IL20RA: variants seen among roughly 807,000 people sequenced by gnomAD.
IL20RA encodes the protein interleukin-20 receptor subunit alpha.
A neutral mutation model predicts 36.5 loss-of-function variants in IL20RA; 29 were observed. That is an observed-to-expected ratio of 0.79 (90% CI 0.59 to 1.08). The LOEUF (loss-of-function observed/expected upper bound fraction) is 1.08. IL20RA is among the 50% of genes least tolerant of loss of function. The probability of loss-of-function intolerance (pLI) is 0.00; values close to 1 mark genes in which losing one functional copy is unlikely to be tolerated. For missense variants in IL20RA, 652 were observed against 668.4 expected (o/e 0.98, Z 0.27); for synonymous variants, 279 against 267.1 (o/e 1.04, Z -0.43).
chr6:137,034,155 T>A (rs1776395098), intron 1 of IL20RA, among the ~76,000 whole-genome samples: 1 of 152,168 alleles, frequency 6.6e-6, no homozygotes, highest in African/African-American at 2.4e-5. Flanking sequence ...TGTCCTACAG[T>A]CACAAAACCC....
chr6:137,038,149 A>C (rs2115426500), intron 1 of IL20RA: 1 of 135,782 alleles, frequency 7.4e-6, no homozygotes, highest in African/African-American at 2.8e-5. Context: ...ATAAAGCAGT[A>C]TTTAATTTTA....
At chr6:137,006,479 G>A (rs1448475276) in intron 5 of IL20RA, among the ~76,000 whole-genome samples, 1 of 152,174 alleles carries the variant, frequency 6.6e-6, no homozygotes, top group Non-Finnish European at 1.5e-5. Context: ...ATGACTGATA[G>A]CATTTAGTAT....
intron 3 of IL20RA, among the ~76,000 whole-genome samples, chr6:137,010,352 A>G (rs748018491): frequency 1.0e-4 from 16 of 152,386 alleles, no homozygotes; most frequent in African/African-American, 2.2e-4. Flanking sequence ...TTGTGCCCCA[A>G]TAAAACTTTA....
intron 1 of IL20RA, among the ~76,000 whole-genome samples, chr6:137,034,784 TAA>T (rs933774436): frequency 6.9e-6 from 1 of 145,304 alleles, no homozygotes; most frequent in Admixed American, 6.9e-5. Context: ...ACTAAAAATA[TAA>T]AAAAAAAAAT....
At chr6:137,034,128 G>A (rs1159996442) in intron 1 of IL20RA, among the ~76,000 whole-genome samples, 2 of 152,290 alleles carry the variant, frequency 1.3e-5, no homozygotes, top group African/African-American at 4.8e-5. Context: ...TGAGGCTGCC[G>A]ATGATCTTGA....
At chr6:137,028,889 C>T (rs923314566) in intron 1 of IL20RA, among the ~76,000 whole-genome samples, 1 of 152,034 alleles carries the variant, frequency 6.6e-6, no homozygotes, top group Non-Finnish European at 1.5e-5. Context: ...TAAATAGTTA[C>T]ATCTTGTTTT....
chr6:137,009,248 G>T, intron 4 of IL20RA, 69 bp downstream of exon 4: 1 of 1,215,182 alleles, frequency 8.2e-7, no homozygotes, highest in Non-Finnish European at 1.2e-6. Flanking sequence ...CAATGCATCA[G>T]GGTTGTTTGT....
intron 1 of IL20RA, among the ~76,000 whole-genome samples, chr6:137,021,396 A>G (rs1775898488): frequency 6.6e-6 from 1 of 151,810 alleles, no homozygotes; most frequent in South Asian, 2.1e-4. Context: ...CAGGCGTGGT[A>G]TCTCACACCT....
intron 2 of IL20RA, 125 bp downstream of exon 2, chr6:137,016,843 G>A (rs764223644): frequency 1.1e-6 from 1 of 890,414 alleles, no homozygotes. Flanking sequence ...AACTTAACCT[G>A]AAATATCTAA....
At chr6:137,023,943 A>C (rs1205698387) in intron 1 of IL20RA, among the ~76,000 whole-genome samples, 1 of 152,064 alleles carries the variant, frequency 6.6e-6, no homozygotes, top group Non-Finnish European at 1.5e-5. Flanking sequence ...AAAATACAAA[A>C]ATTAGCCAGA....
At chr6:137,009,192 C>T (rs1250888865) in intron 4 of IL20RA, 125 bp downstream of exon 4, 8 of 842,984 alleles carry the variant, frequency 9.5e-6, no homozygotes, top group South Asian at 2.8e-5. Context: ...TTTTGTGCGG[C>T]GTATCTTTTG....
chr6:137,030,832 G>A (rs1776251504), intron 1 of IL20RA, among the ~76,000 whole-genome samples: 1 of 151,954 alleles, frequency 6.6e-6, no homozygotes, highest in Non-Finnish European at 1.5e-5. Flanking sequence ...CCAATACTCA[G>A]ACGTAGTAAC....
chr6:137,011,579 T>C lies in IL20RA; in HGVS notation c.225-127A>G, dbSNP rs1010553075. The C allele has an allele frequency of 5.8e-5, 35 of 600,372 alleles. No individual in the cohort carries two copies. The South Asian group carries it at 1.3e-3, about 23-fold the overall frequency. 37.2% of individuals were successfully genotyped at this position (600,372 alleles called of 1,614,324 possible). A position where few individuals can be genotyped will look rare whatever the true frequency, so the allele number is the denominator to read the frequency against. On this transcript the variant is annotated intron_variant, in intron 2 of 6. Transcript: ENST00000316649. ...TTCAGAAAAACAAAAGTGCCTGTCA[T>C]TGAGATAAAAAAGAATCCACTTTTG...
chr6:137,023,447 A>C (rs780468741), intron 1 of IL20RA, among the ~76,000 whole-genome samples: 1 of 152,236 alleles, frequency 6.6e-6, no homozygotes, highest in Non-Finnish European at 1.5e-5. Context: ...TTCATGGGAA[A>C]GTATTGAATC....
chr6:137,012,081 C>T lies in IL20RA; in HGVS notation c.225-629G>A, dbSNP rs142318536. ...AGGTGGCAATATTTTCAGCCCTTTTCAGGTGGGAGAGACTGAAGTGTAGAG... is the reference window on the plus strand; with the variant it reads ...AGGTGGCAATATTTTCAGCCCTTTTTAGGTGGGAGAGACTGAAGTGTAGAG... On this transcript the variant is annotated intron_variant, in intron 2 of 6. Coordinates refer to ENST00000316649, the MANE Select transcript of IL20RA (RefSeq NM_014432.4). Among the ~76,000 whole-genome samples, 5 of 152,236 alleles carry T rather than the reference C, an allele frequency of 3.3e-5. No individual in the cohort carries two copies. The East Asian group carries it at 7.7e-4, about 23-fold the overall frequency.
chr6:137,007,201 G>A (rs771948), intron 5 of IL20RA, among the ~76,000 whole-genome samples: 130,380 of 152,218 alleles, frequency 0.86, 59,366 homozygotes, highest in East Asian at 1. Context: ...AAATACAAAT[G>A]CGATTTCTTC....
chr6:137,032,318 G>A (rs1009911376), intron 1 of IL20RA, among the ~76,000 whole-genome samples: 3 of 152,168 alleles, frequency 2.0e-5, no homozygotes, highest in Admixed American at 6.5e-5. Context: ...TCCCTCAGGC[G>A]GGTGGAGGGC....
At chr6:137,020,496 A>G (rs1426914168) in intron 1 of IL20RA, among the ~76,000 whole-genome samples, 2 of 92,566 alleles carry the variant, frequency 2.2e-5, no homozygotes, top group African/African-American at 5.4e-5. Context: ...CTAAAAAAAA[A>G]AAAAAAACCC....
chr6:137,024,294 A>T (rs1008007341), intron 1 of IL20RA, among the ~76,000 whole-genome samples: 7 of 152,234 alleles, frequency 4.6e-5, no homozygotes, highest in Non-Finnish European at 8.8e-5. Context: ...CAATGGAGAG[A>T]AATCAATTTT....
Sources: allele counts gnomAD v4.1 joint callset (sites outside exome capture counted in the v4.1 genomes callset), GRCh38; gene constraint gnomAD v4.1.1; transcripts MANE v1.5; gene names NCBI Gene and HGNC (gene_info 2026-07-23, HGNC 2026-07-21).